The following ACAN variants were observed in gnomAD, a reference collection of about 807,000 sequenced individuals.
ACAN encodes the protein aggrecan.
Under a neutral mutation model 169.1 loss-of-function variants are expected in ACAN, and 47 were observed. That is an observed-to-expected ratio of 0.28 (90% CI 0.22 to 0.35). ACAN has a LOEUF of 0.35. ACAN is among the 10% of genes least tolerant of loss of function. ACAN has a pLI of 1.00. For missense variants in ACAN, 2,716 were observed against 2,759.9 expected, an observed-to-expected ratio of 0.98 and a Z score of 0.36; for synonymous variants, 1,115 against 1,112.2, an observed-to-expected ratio of 1.00 and a Z score of -0.05.
In ACAN at chr15:88,873,076, G is replaced by C; in HGVS notation, c.7447+51G>C. On this transcript the variant is annotated intron_variant, in intron 17 of 18. Transcript: ENST00000560601. This position sits in a 1 kb window ranked among gnomAD's most constrained non-coding sequence, Gnocchi z 7.5. ...GGGGAGGATAGGATCAAGACCTCCA[G>C]CTACAGGTGAGGCTCTTGCTGTGTG... 6.3e-7 allele frequency: 1 copy of C among 1,585,958 alleles called. No homozygotes were observed. Among genetic ancestry groups the C allele is most frequent in the South Asian group, 1.2e-5 (1 of 86,772 alleles).
chr15:88,844,460 A>G (rs1324950231), intron 6 of ACAN, among the ~76,000 whole-genome samples: 2 of 151,902 alleles, frequency 1.3e-5, no homozygotes, highest in African/African-American at 2.4e-5. Flanking sequence ...TGCAACCTCC[A>G]TCTCCCAGGT....
Position 88,857,440 on chromosome 15 carries a change from G to T in ACAN, c.4855G>T (p.Ala1619Ser), listed in dbSNP as rs764412011. 6.2e-7 allele frequency: 1 copy of T among 1,613,924 alleles called. No homozygotes were observed. Among genetic ancestry groups the T allele is most frequent in the Non-Finnish European group, 8.5e-7 (1 of 1,179,900 alleles). Reference sequence around the variant, plus strand: ...TTCTGGAACTCTAGGAAGTGGGCAAGCTCCAGAAACAAGTGGTCTTCCCTC... The same window carrying T: ...TTCTGGAACTCTAGGAAGTGGGCAATCTCCAGAAACAAGTGGTCTTCCCTC... ...LPSGTLGSGQAPETSGLPSGF... is the reference protein window; with the variant it reads ...LPSGTLGSGQSPETSGLPSGF... The change falls in exon 12 of 19, where the codon GCT (alanine) becomes TCT (serine). Residue 1619 changes from alanine (A) to serine (S), a missense_variant. Ala to Ser is a moderately conservative substitution (Grantham distance 99). Transcript: ENST00000560601.
rs911675052 is a variant in ACAN, at chr15:88,807,568, C to T, written c.-8+3759C>T. Among the ~76,000 whole-genome samples the T allele has an allele frequency of 3.9e-5, 6 of 152,116 alleles. No homozygotes were observed. Among genetic ancestry groups the T allele is most frequent in the East Asian group, 1.9e-4 (1 of 5,168 alleles). Reference sequence around the variant, plus strand: ...AGTTGAAGAAGGGCCACTGGGAGGCCGGCAGAACAAGGGGAGGGCTGGAGA... The same window carrying T: ...AGTTGAAGAAGGGCCACTGGGAGGCTGGCAGAACAAGGGGAGGGCTGGAGA... On this transcript the variant is annotated intron_variant, in intron 1 of 18. Transcript: ENST00000560601. The surrounding 1 kb of genome is among the most constrained non-coding windows in gnomAD (Gnocchi z 4.0).
At chr15:88,836,072 T>A (rs1189393030) in intron 1 of ACAN, 128 bp from the exon 2 acceptor site, 2 of 651,508 alleles carry the variant, frequency 3.1e-6, no homozygotes, top group Non-Finnish European at 5.5e-6. Flanking sequence ...ACGTGCAGCC[T>A]CCTTCTCTGG....
chr15:88,835,313 G>A (rs1896474040), intron 1 of ACAN, among the ~76,000 whole-genome samples: 1 of 152,098 alleles, frequency 6.6e-6, no homozygotes, highest in African/African-American at 2.4e-5. Context: ...ACTTCTCTGG[G>A]CCTGAAGGAC....
rs1377648176 is a variant in ACAN, at chr15:88,843,535, A to C, written c.938A>C (p.Lys313Thr). The change falls in exon 6 of 19, where the codon AAG becomes ACG. Residue 313 changes from lysine (K) to threonine (T), a missense_variant. Around this residue, in one of 3 missense-constraint regions of ACAN, gnomAD observed 1,283 missense variants for 1,281.5 expected, o/e 1.00. Transcript: ENST00000560601. The surrounding 1 kb of genome is among the most constrained non-coding windows in gnomAD (Gnocchi z 4.0). ...CGCAGCGTGCGCTACCCCATCTCCA[A>C]GGCCCGGCCCAACTGCGGTGGCAAC... ...ADRSVRYPISKARPNCGGNLL... is the reference protein window; with the variant it reads ...ADRSVRYPISTARPNCGGNLL... 1 of 1,612,758 alleles carries C rather than the reference A, an allele frequency of 6.2e-7. No individual in the cohort carries two copies. Among genetic ancestry groups the C allele is most frequent in the Admixed American group, 1.7e-5 (1 of 59,988 alleles).
intron 1 of ACAN, among the ~76,000 whole-genome samples, chr15:88,811,910 T>TC (rs1344224811): frequency 1.3e-5 from 2 of 151,916 alleles, no homozygotes; most frequent in African/African-American, 4.8e-5. Flanking sequence ...TGCTTTGTTC[T>TC]CCCCCATCCC....
At position 88,839,782 on chromosome 15, in the gene ACAN, A is replaced by AT. The variant is rs371348833; in HGVS notation, c.455-229dup. Among the ~76,000 whole-genome samples the AT allele has an allele frequency of 6.6e-6, 1 of 152,350 alleles. No individual in the cohort carries two copies. Among genetic ancestry groups the AT allele is most frequent in the East Asian group, 1.9e-4 (1 of 5,188 alleles). ...GAACTTTCTCTTTATCAGTATTATC[A>AT]TAAGTCTTTAAAAAGGAATGCCTTA... On this transcript the variant is annotated intron_variant, in intron 3 of 18. Coordinates refer to ENST00000560601, the MANE Select transcript of ACAN (RefSeq NM_001369268.1). The surrounding 1 kb of genome is among the most constrained non-coding windows in gnomAD (Gnocchi z 4.5).
intron 1 of ACAN, among the ~76,000 whole-genome samples, chr15:88,808,806 A>G (rs1484044527): frequency 6.6e-6 from 1 of 152,210 alleles, no homozygotes; most frequent in African/African-American, 2.4e-5. Context: ...GGGCCAGGCC[A>G]TGCCCAACTG....
chr15:88,830,499 A>G (rs1361291550), intron 1 of ACAN, among the ~76,000 whole-genome samples: 1 of 152,168 alleles, frequency 6.6e-6, no homozygotes, highest in Non-Finnish European at 1.5e-5. Context: ...TGACACACCC[A>G]TACAGCATGT....
intron 1 of ACAN, among the ~76,000 whole-genome samples, chr15:88,811,119 C>A (rs933563092): frequency 6.6e-6 from 1 of 152,188 alleles, no homozygotes. Flanking sequence ...CCTTCCAAGG[C>A]CAGCAACAGG....
intron 2 of ACAN, among the ~76,000 whole-genome samples, chr15:88,836,750 C>T (rs1340267740): frequency 2.0e-5 from 3 of 152,238 alleles, no homozygotes. Flanking sequence ...AAACCATCCT[C>T]GGGAAGCCCC....
At chr15:88,848,258 A>G (rs985780057) in intron 9 of ACAN, among the ~76,000 whole-genome samples, 1 of 152,192 alleles carries the variant, frequency 6.6e-6, no homozygotes, top group Non-Finnish European at 1.5e-5. Flanking sequence ...GGTCTCCTCC[A>G]GCATTGCAGG....
chr15:88,812,605 T>C (rs1895848145), intron 1 of ACAN, among the ~76,000 whole-genome samples: 1 of 152,164 alleles, frequency 6.6e-6, no homozygotes, highest in Admixed American at 6.5e-5. Context: ...CCAGGTGCTC[T>C]TCCCACAGGG....
At chr15:88,836,562 C>T (rs528697242) in intron 2 of ACAN, among the ~76,000 whole-genome samples, 107 of 152,350 alleles carry the variant, frequency 7.0e-4, no homozygotes, top group Non-Finnish European at 1.3e-3. Context: ...CTCCTTCCCT[C>T]CATGGATCTC....
intron 1 of ACAN, among the ~76,000 whole-genome samples, chr15:88,813,147 T>C (rs1895862046): frequency 6.6e-6 from 1 of 152,196 alleles, no homozygotes; most frequent in African/African-American, 2.4e-5. Context: ...ACCTAGGAAA[T>C]GCTTGGCACA....
chr15:88,864,576 T>C lies in ACAN; in HGVS notation c.6947-3640T>C, dbSNP rs1002385786. 9.3e-4 allele frequency among the ~76,000 whole-genome samples: 142 copies of C among 152,346 alleles called. 1 individual carries two copies. Among genetic ancestry groups the C allele is most frequent in the Non-Finnish European group, 2.5e-4 (17 of 68,036 alleles). On this transcript the variant is annotated intron_variant, in intron 13 of 18. Coordinates refer to ENST00000560601, the MANE Select transcript of ACAN (RefSeq NM_001369268.1). ...CACCGCGCTGGGCCTATATTTTTAA[T>C]TTAATTAATTTATCTTAAAAGCAAA... is the stretch of plus-strand genomic sequence containing the variant.
Position 88,872,848 on chromosome 15 carries a change from C to T in ACAN, c.7303-33C>T, listed in dbSNP as rs372964133. 5.3e-5 allele frequency: 85 copies of T among 1,611,760 alleles called. No homozygotes were observed. In the East Asian group the frequency reaches 1.6e-3, roughly 31 times the overall value. On this transcript the variant is annotated intron_variant, in intron 16 of 18. Transcript: ENST00000560601. This position sits in a 1 kb window ranked among gnomAD's most constrained non-coding sequence, Gnocchi z 5.4. ...GCAGGCCAACCCGCACTGTCCTGCC[C>T]TCTCCTTACTCCTTCCCCACTCCCA...
rs370425706 is a variant in ACAN at position 88,852,405 on chromosome 15, T to C, written c.2266+372T>C. ...CCCTCTCTTGTGGGAAGATCTCTAA[T>C]AGAGGAGAAAGAATCAGGGAGGGGG... is the stretch of plus-strand genomic sequence containing the variant. On this transcript the variant is annotated intron_variant, in intron 11 of 18. Transcript: ENST00000560601. Among the ~76,000 whole-genome samples the C allele has an allele frequency of 1.4e-4, 22 of 152,298 alleles. 1 individual carries two copies. Among genetic ancestry groups the C allele is most frequent in the African/African-American group, 5.1e-4 (21 of 41,558 alleles).
Sources: allele counts gnomAD v4.1 joint callset (sites outside exome capture counted in the v4.1 genomes callset), GRCh38; gene constraint gnomAD v4.1.1; regional missense constraint gnomAD v4.1.1; non-coding constraint Gnocchi (gnomAD v3.1); transcripts MANE v1.5; gene names NCBI Gene and HGNC (gene_info 2026-07-23, HGNC 2026-07-21).